The following IGFL2 variants were observed in gnomAD, a reference collection of about 807,000 sequenced individuals.
IGFL2 encodes insulin growth factor-like family member 2.
IGFL2 carries 7 observed loss-of-function variants against 13.9 expected under a neutral mutation model. That is an observed-to-expected ratio of 0.51 (90% CI 0.29 to 0.95). The LOEUF is 0.95. IGFL2 is among the 40% of genes least tolerant of loss of function. The probability of loss-of-function intolerance (pLI) is 0.08; values close to 1 mark genes in which losing one functional copy is unlikely to be tolerated. For missense variants in IGFL2, 138 were observed against 147.8 expected, an observed-to-expected ratio of 0.93 and a Z score of 0.34; for synonymous variants, 55 against 55.8, an observed-to-expected ratio of 0.99 and a Z score of 0.07.
At chr19:46,151,340 T>C (rs1249312514) in intron 1 of IGFL2, among the ~76,000 whole-genome samples, 1 of 152,214 alleles carries the variant, frequency 6.6e-6, no homozygotes, top group African/African-American at 2.4e-5. Flanking sequence ...CCCAGCACCA[T>C]TTGTTGAAAA....
At chr19:46,119,312 G>A in the IGFL2 span, among the ~76,000 whole-genome samples, 1 of 152,148 alleles carries the variant, frequency 6.6e-6, no homozygotes, top group East Asian at 1.9e-4. Flanking sequence ...AACATGGAGG[G>A]CTTGGGTCCC....
chr19:46,093,267 C>T, the IGFL2 span, among the ~76,000 whole-genome samples: 9 of 152,208 alleles, frequency 5.9e-5, no homozygotes, highest in East Asian at 9.7e-4. Flanking sequence ...AAGATAATTT[C>T]TCTAATGGTG....
chr19:46,153,510 G>A (rs1332892107), intron 1 of IGFL2, among the ~76,000 whole-genome samples: 7 of 151,914 alleles, frequency 4.6e-5, no homozygotes, highest in Admixed American at 4.6e-4. Flanking sequence ...CAGATCTTTT[G>A]CCCCTTTTAA....
chr19:46,080,373 C>A, the IGFL2 span, among the ~76,000 whole-genome samples: 2 of 151,738 alleles, frequency 1.3e-5, no homozygotes, highest in African/African-American at 2.4e-5. Context: ...TTAGGGAGAT[C>A]CCATCTCTAT....
chr19:46,152,513 A>T (rs1292408736), intron 1 of IGFL2, among the ~76,000 whole-genome samples: 3 of 152,046 alleles, frequency 2.0e-5, no homozygotes, highest in Non-Finnish European at 2.9e-5. Context: ...CAAACTTCTG[A>T]CCTCAAGTGA....
the IGFL2 span, among the ~76,000 whole-genome samples, chr19:46,104,625 A>T: frequency 3.9e-5 from 6 of 152,070 alleles, no homozygotes; most frequent in African/African-American, 1.4e-4. Flanking sequence ...GACTCAGGGC[A>T]TGTAAGTAAA....
At chr19:46,111,015 A>T in the IGFL2 span, 4 of 152,174 alleles carry the variant, frequency 2.6e-5, no homozygotes, top group African/African-American at 9.7e-5. Flanking sequence ...TTCTAGCAAC[A>T]TAAATACTGA....
the IGFL2 span, among the ~76,000 whole-genome samples, chr19:46,092,294 G>A: frequency 3.4e-4 from 51 of 151,970 alleles, no homozygotes; most frequent in Admixed American, 7.9e-4. Context: ...TGAGTATCTG[G>A]GACTACAGGC....
intron 1 of IGFL2, among the ~76,000 whole-genome samples, chr19:46,151,669 G>A (rs1600907909): frequency 6.6e-6 from 1 of 152,166 alleles, no homozygotes; most frequent in South Asian, 2.1e-4. Flanking sequence ...CAGCACTTTT[G>A]GAGGCCAAGG....
At chr19:46,200,156 T>G in the IGFL2 span, among the ~76,000 whole-genome samples, 6 of 151,868 alleles carry the variant, frequency 4.0e-5, no homozygotes, top group African/African-American at 1.2e-4. Context: ...CTGCCCTAAT[T>G]TTTTTTAATT....
chr19:46,178,294 A>T, the IGFL2 span, among the ~76,000 whole-genome samples: 50 of 148,020 alleles, frequency 3.4e-4, no homozygotes, highest in Non-Finnish European at 6.1e-4. Context: ...AAAAAAAAAT[A>T]GAGATCGTAA....
chr19:46,128,608 G>A, the IGFL2 span, among the ~76,000 whole-genome samples: 1 of 152,242 alleles, frequency 6.6e-6, no homozygotes, highest in South Asian at 2.1e-4. Flanking sequence ...ATAATTATGT[G>A]GTTTTTGTCT....
the IGFL2 span, among the ~76,000 whole-genome samples, chr19:46,176,707 TGTCA>T: frequency 1.3e-5 from 2 of 152,264 alleles, no homozygotes; most frequent in African/African-American, 4.8e-5. Flanking sequence ...TCCTAGGGGC[TGTCA>T]TTCACCCCTG....
the IGFL2 span, among the ~76,000 whole-genome samples, chr19:46,129,185 A>G: frequency 6.6e-6 from 1 of 152,110 alleles, no homozygotes; most frequent in Non-Finnish European, 1.5e-5. Context: ...TAGTGATAAT[A>G]TCCCCCTTTA....
At chr19:46,199,586 C>T in the IGFL2 span, among the ~76,000 whole-genome samples, 2 of 152,232 alleles carry the variant, frequency 1.3e-5, no homozygotes, top group African/African-American at 4.8e-5. Context: ...TGATCTCCCT[C>T]CACTGTCTCA....
At chr19:46,182,116 C>T in the IGFL2 span, among the ~76,000 whole-genome samples, 1 of 152,050 alleles carries the variant, frequency 6.6e-6, no homozygotes, top group Non-Finnish European at 1.5e-5. Context: ...CACCTGTAAT[C>T]CCAACACTTT....
upstream of IGFL2, among the ~76,000 whole-genome samples, chr19:46,141,497 CTCCCAGCTCA>C (rs1282294982): frequency 6.6e-6 from 1 of 152,114 alleles, no homozygotes; most frequent in Non-Finnish European, 1.5e-5. Flanking sequence ...GGAACCCAGG[CTCCCAGCTCA>C]TCCCACAAGG....
the IGFL2 span, among the ~76,000 whole-genome samples, chr19:46,115,255 A>T: frequency 6.6e-6 from 1 of 152,178 alleles, no homozygotes; most frequent in South Asian, 2.1e-4. Flanking sequence ...CCTCACCCAG[A>T]ATTCCTGAGC....
At chr19:46,089,280 C>A in the IGFL2 span, among the ~76,000 whole-genome samples, 1 of 152,154 alleles carries the variant, frequency 6.6e-6, no homozygotes, top group South Asian at 2.1e-4. Flanking sequence ...TACTGCTCTG[C>A]ACCTTGTATT....
Sources: gnomAD v4.1 joint callset for allele counts (sites outside exome capture counted in the v4.1 genomes callset) on GRCh38, gnomAD v4.1.1 for gene constraint, MANE v1.5 for transcripts, NCBI Gene and HGNC (gene_info 2026-07-23, HGNC 2026-07-21) for gene names.